The following IRAK3 variants were observed in gnomAD, a reference collection of about 807,000 sequenced individuals.
IRAK3 encodes the protein interleukin 1 receptor associated kinase 3, also known as interleukin-1 receptor-associated kinase 3.
A neutral mutation model predicts 56.6 loss-of-function variants in IRAK3; 57 were observed. That is an observed-to-expected ratio of 1.01 (90% CI 0.81 to 1.26). IRAK3 has a LOEUF of 1.26. IRAK3 is among the 50% of genes most tolerant of loss of function. The probability of loss-of-function intolerance (pLI) is 0.00; values close to 1 mark genes in which losing one functional copy is unlikely to be tolerated. For missense variants in IRAK3, 703 were observed against 719.0 expected (o/e 0.98, Z 0.25); for synonymous variants, 258 against 255.7 (o/e 1.01, Z -0.09).
chr12:66,197,254 ATAAT>A (rs2052463203), intron 1 of IRAK3: 2 of 1,179,778 alleles, frequency 1.7e-6, no homozygotes, highest in Non-Finnish European at 2.1e-6. Context: ...CTTTATCAAC[ATAAT>A]TAGTCATTGA....
In IRAK3 at chr12:66,193,282, G is replaced by A. The variant is rs112412972; in HGVS notation, c.133+3850G>A. ...CCTGCCTCAGCCTCCTAAAGTGCTG[G>A]GATTACAGGCGTGAGCCACCGCGCC... On this transcript the variant is annotated intron_variant, in intron 1 of 11. Coordinates refer to ENST00000261233, the MANE Select transcript of IRAK3 (RefSeq NM_007199.3). 2.9e-3 allele frequency among the ~76,000 whole-genome samples: 444 copies of A among 152,146 alleles called. 5 individuals are homozygous for A. Among genetic ancestry groups the A allele is most frequent in the African/African-American group, 0.01 (432 of 41,502 alleles).
Position 66,211,479 on chromosome 12 carries a change from A to C in IRAK3, c.470A>C (p.Asn157Thr), listed in dbSNP as rs1186481472. Residue 157 changes from asparagine (N) to threonine (T), a missense_variant, in exon 5 of 12, where the codon AAT becomes ACT. Transcript: ENST00000261233. ...CTTAAATCTTCCATCAGCTTTCAAA[A>C]TATCATAGAAGGAACTAGAAATTTC... ...ILLKSSISFQ[N>T]IIEGTRNFHK... The C allele has an allele frequency of 6.2e-7, 1 of 1,602,264 alleles. No individual in the cohort carries two copies. The highest frequency in any genetic ancestry group is 2.2e-5 in the East Asian group (1 of 44,782).
intron 8 of IRAK3, among the ~76,000 whole-genome samples, chr12:66,241,968 A>T (rs1192496886): frequency 1.3e-5 from 2 of 152,072 alleles, no homozygotes; most frequent in African/African-American, 2.4e-5. Flanking sequence ...CCCTTTTTGT[A>T]CTTAAAAGAT....
intron 6 of IRAK3, among the ~76,000 whole-genome samples, chr12:66,218,969 A>G (rs1257403775): frequency 1.3e-5 from 2 of 152,130 alleles, no homozygotes; most frequent in Non-Finnish European, 2.9e-5. Flanking sequence ...AATGTCTTCC[A>G]GGTTCATCCA....
intron 6 of IRAK3, among the ~76,000 whole-genome samples, chr12:66,225,115 G>A (rs2052772187): frequency 6.6e-6 from 1 of 152,070 alleles, no homozygotes; most frequent in African/African-American, 2.4e-5. Context: ...GAGCAAGAGA[G>A]TAGAGCACCA....
rs138432729 is a variant in IRAK3, at chr12:66,222,221, T to G, written c.654-4502T>G. ...TTTGACAGTGTTCCCTCGTCTTTAA[T>G]TTTTTAAAAGATTTTGACAGGGATT... is the stretch of plus-strand genomic sequence containing the variant. On this transcript the variant is annotated intron_variant, in intron 6 of 11. Transcript: ENST00000261233. Among the ~76,000 whole-genome samples, 50 of 152,342 alleles carry G rather than the reference T, an allele frequency of 3.3e-4. No homozygotes were observed. The South Asian group carries it at 5.2e-3, about 16-fold the overall frequency.
At chr12:66,225,381 G>C (rs532195710) in intron 6 of IRAK3, among the ~76,000 whole-genome samples, 1 of 151,412 alleles carries the variant, frequency 6.6e-6, no homozygotes, top group Non-Finnish European at 1.5e-5. Context: ...GTGTGTGTGT[G>C]TATGTATACA....
intron 6 of IRAK3, among the ~76,000 whole-genome samples, chr12:66,221,153 A>G (rs960204822): frequency 2.8e-4 from 42 of 152,084 alleles, no homozygotes; most frequent in African/African-American, 8.0e-4. Context: ...TCATTTCCTT[A>G]ATTTCCTTTT....
intron 8 of IRAK3, chr12:66,234,374 G>A (rs1328170289): frequency 9.9e-6 from 16 of 1,612,030 alleles, no homozygotes; most frequent in South Asian, 5.5e-5. Flanking sequence ...TTGAGGTTGC[G>A]TCCAAGAAGG....
Position 66,203,701 on chromosome 12 carries a change from A to G in IRAK3, c.134-10A>G, listed in dbSNP as rs774888970. On this transcript the variant is annotated splice_polypyrimidine_tract_variant and intron_variant, in intron 1 of 11. Coordinates refer to ENST00000261233, the MANE Select transcript of IRAK3 (RefSeq NM_007199.3). ...TAAACAATTCTTTGTTTATATTGCA[A>G]TTTCCACAGCAGAGAGACTTTCAAG... 10 of 1,613,554 alleles carry G rather than the reference A, an allele frequency of 6.2e-6. No individual in the cohort carries two copies. The highest frequency in any genetic ancestry group is 2.2e-5 in the South Asian group (2 of 91,078).
At position 66,253,139 on chromosome 12, in the gene IRAK3, A is replaced by G. The variant is rs966207334; in HGVS notation, c.*4968A>G. 24 of 152,328 alleles carry G rather than the reference A, an allele frequency of 1.6e-4. No homozygotes were observed. The highest frequency in any genetic ancestry group is 5.8e-4 in the African/African-American group (24 of 41,576). 9.4% of individuals were successfully genotyped at this position (152,328 alleles called of 1,614,324 possible). A position where few individuals can be genotyped will look rare whatever the true frequency, so the allele number is the denominator to read the frequency against. ...AATGAATGAATCAAATAGTCCTTCA[A>G]AGCATCTTCAGAATCAAGATTGTCA... On this transcript the variant is annotated 3_prime_UTR_variant, in exon 12 of 12. Coordinates refer to ENST00000261233, the MANE Select transcript of IRAK3 (RefSeq NM_007199.3).
At chr12:66,242,043 G>C (rs1000333745) in intron 8 of IRAK3, among the ~76,000 whole-genome samples, 1 of 152,020 alleles carries the variant, frequency 6.6e-6, no homozygotes, top group African/African-American at 2.4e-5. Context: ...CATGATTCTG[G>C]CATTGTCAAT....
chr12:66,221,800 AG>A (rs1268772213), intron 6 of IRAK3, among the ~76,000 whole-genome samples: 1 of 152,162 alleles, frequency 6.6e-6, no homozygotes, highest in Non-Finnish European at 1.5e-5. Context: ...GAGACCAGGA[AG>A]GTGGGTCACC....
At position 66,245,083 on chromosome 12, in the gene IRAK3, T is replaced by C. The variant is rs780391348; in HGVS notation, c.1150-15T>C. The C allele has an allele frequency of 3.7e-6, 6 of 1,614,100 alleles. No homozygotes were observed. The highest frequency in any genetic ancestry group is 5.1e-6 in the Non-Finnish European group (6 of 1,179,978). On this transcript the variant is annotated splice_polypyrimidine_tract_variant and intron_variant, in intron 10 of 11. Transcript: ENST00000261233. Reference sequence around the variant, plus strand: ...TCAAGTTCTCTGTGATAAAATTGTCTCCCTCTCTTCCAAGCGGGATCTCCT... The same window carrying C: ...TCAAGTTCTCTGTGATAAAATTGTCCCCCTCTCTTCCAAGCGGGATCTCCT...
At chr12:66,232,799 C>T (rs1284623488) in intron 8 of IRAK3, among the ~76,000 whole-genome samples, 1 of 152,072 alleles carries the variant, frequency 6.6e-6, no homozygotes, top group Non-Finnish European at 1.5e-5. Flanking sequence ...TTTTATTGTA[C>T]GGCTTTGATA....
intron 2 of IRAK3, among the ~76,000 whole-genome samples, chr12:66,206,522 A>G (rs2052559614): frequency 6.6e-6 from 1 of 151,530 alleles, no homozygotes; most frequent in Non-Finnish European, 1.5e-5. Flanking sequence ...GGTGTATTAC[A>G]TTGATTGATT....
intron 6 of IRAK3, among the ~76,000 whole-genome samples, chr12:66,222,642 A>G (rs992030889): frequency 5.3e-5 from 8 of 152,082 alleles, no homozygotes; most frequent in Admixed American, 2.0e-4. Context: ...TTTATTTTCT[A>G]TGAAGTAGCT....
Position 66,211,526 on chromosome 12 carries a change from G to A in IRAK3, c.517G>A (p.Glu173Lys). The A allele has an allele frequency of 6.2e-7, 1 of 1,609,752 alleles. No homozygotes were observed. The highest frequency in any genetic ancestry group is 8.5e-7 in the Non-Finnish European group (1 of 1,176,028). Residue 173 changes from glutamate (E) to lysine (K), a missense_variant, in exon 5 of 12, where the codon GAA becomes AAA. Physicochemically the swap from Glu to Lys is moderately conservative, Grantham distance 56 (BLOSUM62 1). Transcript: ENST00000261233. ...RNFHKDFLIG[E>K]GEIFEVYRVE... Reference sequence around the variant, plus strand: ...TTTCCACAAAGACTTCCTAATTGGAGAAGGAGAGATTTTTGAGGTATACAG... The same window carrying A: ...TTTCCACAAAGACTTCCTAATTGGAAAAGGAGAGATTTTTGAGGTATACAG...
chr12:66,224,850 C>T (rs950018114), intron 6 of IRAK3, among the ~76,000 whole-genome samples: 1 of 152,130 alleles, frequency 6.6e-6, no homozygotes, highest in Non-Finnish European at 1.5e-5. Context: ...TTTGTCTGAA[C>T]AAGGCACTCA....
Sources: allele counts gnomAD v4.1 joint callset (sites outside exome capture counted in the v4.1 genomes callset), GRCh38; gene constraint gnomAD v4.1.1; transcripts MANE v1.5; gene names NCBI Gene and HGNC (gene_info 2026-07-23, HGNC 2026-07-21).